RIMKLB: variants seen among roughly 807,000 people sequenced by gnomAD.
RIMKLB encodes the protein ribosomal modification protein rimK like family member B.
Under a neutral mutation model 32.0 loss-of-function variants are expected in RIMKLB, and 7 were observed. The ratio of observed to expected loss-of-function variants is 0.22; its 90% CI spans 0.12 to 0.41. The LOEUF (loss-of-function observed/expected upper bound fraction) is 0.41, where lower values mean the gene tolerates loss of function less well. Ranked by LOEUF, RIMKLB falls within the 10% of genes least tolerant of loss-of-function variation. The pLI is 1.00. For synonymous variants in RIMKLB, 172 were observed against 185.1 expected (o/e 0.93, Z 0.57); for missense variants, 289 against 498.7 (o/e 0.58, Z 4.00).
At chr12:8,761,781 G>A (rs1420173498) in intron 5 of RIMKLB, among the ~76,000 whole-genome samples, 1 of 152,140 alleles carries the variant, frequency 6.6e-6, no homozygotes, top group Non-Finnish European at 1.5e-5. Flanking sequence ...TGCTGTTGGG[G>A]AGGTTGGCTG....
At chr12:8,710,195 T>C (rs991983028) in intron 1 of RIMKLB, among the ~76,000 whole-genome samples, 1 of 151,288 alleles carries the variant, frequency 6.6e-6, no homozygotes, top group African/African-American at 2.4e-5. Context: ...GTCTTAATCA[T>C]GTCAGCCAGG....
Position 8,776,886 on chromosome 12 carries a change from A to C in RIMKLB, c.*3102A>C. The C allele has an allele frequency of 1.0e-6, 1 of 985,844 alleles. No homozygotes were observed. The highest frequency in any genetic ancestry group is 1.2e-6 in the Non-Finnish European group (1 of 829,924). 61.1% of individuals were successfully genotyped at this position (985,844 alleles called of 1,614,324 possible). ...TTGAAAATCATCTCTTTTTCTCAAG[A>C]AGAAAGCAATGGAGAAGCAAATTTG... On this transcript the variant is annotated 3_prime_UTR_variant, in exon 6 of 6. Transcript: ENST00000535829.
chr12:8,712,858 G>A (rs927960992), intron 1 of RIMKLB, among the ~76,000 whole-genome samples: 2 of 152,028 alleles, frequency 1.3e-5, no homozygotes, highest in South Asian at 4.1e-4. Context: ...TTCCTTTTGT[G>A]TTAGATGTGC....
intron 4 of RIMKLB, 119 bp from the exon 5 acceptor site, chr12:8,753,771 A>G (rs902872722): frequency 3.1e-6 from 2 of 646,370 alleles, no homozygotes; most frequent in East Asian, 6.2e-5. Context: ...AAGAAAACTT[A>G]AAAAAAAAAT....
chr12:8,729,473 C>T (rs1401051007), intron 2 of RIMKLB, among the ~76,000 whole-genome samples: 1 of 152,066 alleles, frequency 6.6e-6, no homozygotes, highest in Non-Finnish European at 1.5e-5. Flanking sequence ...ACCATAGTCT[C>T]CGACGTCCAG....
At chr12:8,688,321 A>G (rs761627683) in intron 1 of RIMKLB, among the ~76,000 whole-genome samples, 22 of 152,348 alleles carry the variant, frequency 1.4e-4, no homozygotes, top group Admixed American at 6.5e-5. Flanking sequence ...GATTAAGCCA[A>G]GACACAACAA....
chr12:8,777,385 T>A, downstream of RIMKLB: 1 of 984,968 alleles, frequency 1.0e-6, no homozygotes, highest in Non-Finnish European at 1.2e-6. Context: ...GTTTTTAGTT[T>A]TGTTTTGGAT....
At chr12:8,756,968 G>A (rs1232988181) in intron 5 of RIMKLB, among the ~76,000 whole-genome samples, 1 of 152,034 alleles carries the variant, frequency 6.6e-6, no homozygotes, top group Non-Finnish European at 1.5e-5. Flanking sequence ...CCAGGTGTGA[G>A]CCACCGTGCC....
rs928564072 is a variant in RIMKLB, at chr12:8,775,097, C to T, written c.*1313C>T. On this transcript the variant is annotated 3_prime_UTR_variant, in exon 6 of 6. Transcript: ENST00000535829. ...TTTTAGGCCTTTTTGTGTATATGTA[C>T]GTTGTTTGTTTTTTTCCTTTTGTTT... The T allele has an allele frequency of 3.0e-6, 3 of 985,212 alleles. No homozygotes were observed. Among genetic ancestry groups the T allele is most frequent in the South Asian group, 4.7e-5 (1 of 21,286 alleles). 61.0% of individuals were successfully genotyped at this position (985,212 alleles called of 1,614,324 possible).
chr12:8,693,556 C>T (rs1942793446), upstream of RIMKLB, among the ~76,000 whole-genome samples: 1 of 151,830 alleles, frequency 6.6e-6, no homozygotes, highest in Non-Finnish European at 1.5e-5. Context: ...ACCACCACGC[C>T]CAGCTAATTT....
intron 2 of RIMKLB, among the ~76,000 whole-genome samples, chr12:8,719,437 C>T (rs1194154119): frequency 2.6e-5 from 4 of 152,022 alleles, no homozygotes; most frequent in Non-Finnish European, 4.4e-5. Context: ...GGTGCGATCT[C>T]GGCTCACTGC....
At chr12:8,693,396 TCTTTC>T, upstream of RIMKLB, among the ~76,000 whole-genome samples, 1 of 142,892 alleles carries the variant, frequency 7.0e-6, no homozygotes, top group African/African-American at 2.6e-5. Context: ...TTTCTTTCTT[TCTTTC>T]TTTTTTTTTT....
At chr12:8,725,604 C>T (rs1470239572) in intron 2 of RIMKLB, among the ~76,000 whole-genome samples, 1 of 152,186 alleles carries the variant, frequency 6.6e-6, no homozygotes, top group Non-Finnish European at 1.5e-5. Context: ...CACACCAGCC[C>T]TGGCAGAGGC....
At chr12:8,703,037 A>G (rs1003988659) in intron 1 of RIMKLB, among the ~76,000 whole-genome samples, 24 of 152,172 alleles carry the variant, frequency 1.6e-4, no homozygotes, top group Non-Finnish European at 1.5e-5. Context: ...TGTAATCCCA[A>G]CACTTTGTGG....
intron 2 of RIMKLB, among the ~76,000 whole-genome samples, chr12:8,715,081 A>G (rs1359427190): frequency 2.6e-5 from 4 of 152,208 alleles, no homozygotes; most frequent in African/African-American, 9.6e-5. Context: ...GTTGAGTATC[A>G]CACTAAGTAT....
chr12:8,677,759 T>TC (rs1395200294), upstream of RIMKLB, among the ~76,000 whole-genome samples: 3 of 150,892 alleles, frequency 2.0e-5, no homozygotes, highest in Non-Finnish European at 4.4e-5. Flanking sequence ...TTTTTTTTTT[T>TC]CTTCTTTTTT....
At chr12:8,722,208 G>A (rs926166628) in intron 2 of RIMKLB, among the ~76,000 whole-genome samples, 1 of 125,830 alleles carries the variant, frequency 7.9e-6, no homozygotes, top group Non-Finnish European at 1.6e-5. Context: ...TTTGTCAGCT[G>A]TCTCACAGAG....
chr12:8,731,256 C>T (rs1946517576), intron 2 of RIMKLB, among the ~76,000 whole-genome samples: 1 of 151,662 alleles, frequency 6.6e-6, no homozygotes, highest in African/African-American at 2.4e-5. Flanking sequence ...ACCACCACAC[C>T]CAGCTAATTT....
chr12:8,758,015 C>T (rs1489564249), intron 5 of RIMKLB, among the ~76,000 whole-genome samples: 1 of 151,044 alleles, frequency 6.6e-6, no homozygotes, highest in Non-Finnish European at 1.5e-5. Flanking sequence ...AGGCAGGTCT[C>T]GAACTCCTGG....
Sources: allele counts gnomAD v4.1 joint callset (sites outside exome capture counted in the v4.1 genomes callset), GRCh38; gene constraint gnomAD v4.1.1; transcripts MANE v1.5; gene names NCBI Gene and HGNC (gene_info 2026-07-23, HGNC 2026-07-21).